Variants in NCOA2 observed in about 807,000 individuals in gnomAD.
The protein encoded by NCOA2 is class E basic helix-loop-helix protein 75.
NCOA2 carries 21 observed loss-of-function variants against 145.1 expected under a neutral mutation model. The ratio of observed to expected loss-of-function variants is 0.14; its 90% CI spans 0.10 to 0.21. The LOEUF (loss-of-function observed/expected upper bound fraction) is 0.21. Ranked by LOEUF, NCOA2 falls within the 10% of genes least tolerant of loss-of-function variation. NCOA2 has a pLI of 1.00. For missense variants in NCOA2, 1,472 were observed against 1,837.6 expected (o/e 0.80, Z 3.64); for synonymous variants, 619 against 637.5 (o/e 0.97, Z 0.44).
intron 2 of NCOA2, among the ~76,000 whole-genome samples, chr8:70,275,852 T>G (rs1278829864): frequency 6.6e-6 from 1 of 152,226 alleles, no homozygotes; most frequent in African/African-American, 2.4e-5. Context: ...GATATATAGA[T>G]AGACGATGGT....
At chr8:70,208,622 T>G (rs1818711738) in intron 4 of NCOA2, among the ~76,000 whole-genome samples, 1 of 152,232 alleles carries the variant, frequency 6.6e-6, no homozygotes, top group African/African-American at 2.4e-5. Context: ...AGCTGGTGAC[T>G]TGAAGTAAAT....
intron 1 of NCOA2, among the ~76,000 whole-genome samples, chr8:70,314,902 A>C (rs1242353370): frequency 6.6e-6 from 1 of 152,218 alleles, no homozygotes; most frequent in African/African-American, 2.4e-5. Context: ...TTTATCTAGC[A>C]GGAAGGCAGA....
chr8:70,270,837 G>A (rs1401130396), intron 2 of NCOA2, among the ~76,000 whole-genome samples: 3 of 152,050 alleles, frequency 2.0e-5, no homozygotes, highest in Non-Finnish European at 4.4e-5. Context: ...CATTAATATT[G>A]TCTGTTGAAA....
At chr8:70,362,914 CA>C (rs902860166) in intron 1 of NCOA2, among the ~76,000 whole-genome samples, 1 of 151,012 alleles carries the variant, frequency 6.6e-6, no homozygotes, top group Non-Finnish European at 1.5e-5. Flanking sequence ...CCCGTCTCTA[CA>C]AAAAACACAA....
rs1807946762 is a variant in NCOA2, at chr8:70,339,696, G to C, written c.-76-42896C>G. Among the ~76,000 whole-genome samples, 3 of 152,148 alleles carry C rather than the reference G, an allele frequency of 2.0e-5. No homozygotes were observed. The South Asian group carries it at 6.2e-4, about 31-fold the overall frequency. On this transcript the variant is annotated intron_variant, in intron 1 of 22. Coordinates refer to ENST00000452400, the MANE Select transcript of NCOA2 (RefSeq NM_006540.4). ...ACCCGACTTCAAGCTATACTACAAG[G>C]CTACAGTAACCAAAACAGCATGGTA...
At chr8:70,157,607 G>A (rs1812432997) in intron 10 of NCOA2, among the ~76,000 whole-genome samples, 1 of 152,172 alleles carries the variant, frequency 6.6e-6, no homozygotes, top group African/African-American at 2.4e-5. Context: ...GAAATGAGTA[G>A]AGCTGTCTTC....
At chr8:70,245,544 TCA>T (rs947248566) in intron 2 of NCOA2, among the ~76,000 whole-genome samples, 2 of 151,986 alleles carry the variant, frequency 1.3e-5, no homozygotes, top group African/African-American at 2.4e-5. Flanking sequence ...TCCTTCTCTC[TCA>T]CACACAGTCT....
At chr8:70,285,252 A>AC (rs1450613419) in intron 2 of NCOA2, among the ~76,000 whole-genome samples, 1 of 152,244 alleles carries the variant, frequency 6.6e-6, no homozygotes, top group African/African-American at 2.4e-5. Flanking sequence ...GAATTTACTT[A>AC]GAGTCCTGTA....
intron 1 of NCOA2, among the ~76,000 whole-genome samples, chr8:70,366,637 A>C (rs1301470569): frequency 6.6e-6 from 1 of 151,876 alleles, no homozygotes; most frequent in Admixed American, 6.6e-5. Context: ...TTCCCTAAGA[A>C]TCTGATTGAG....
intron 2 of NCOA2, among the ~76,000 whole-genome samples, chr8:70,244,643 A>C (rs1287762972): frequency 6.6e-6 from 1 of 152,162 alleles, no homozygotes; most frequent in Non-Finnish European, 1.5e-5. Context: ...AAAGGTAGAA[A>C]GATAAAGCTT....
chr8:70,445,107 C>A, the NCOA2 span, among the ~76,000 whole-genome samples: 1 of 152,270 alleles, frequency 6.6e-6, no homozygotes, highest in African/African-American at 2.4e-5. Context: ...TTTTACCACA[C>A]TTTTTTTCTT....
chr8:70,390,241 G>C (rs1054042678), intron 1 of NCOA2, among the ~76,000 whole-genome samples: 17 of 152,202 alleles, frequency 1.1e-4, no homozygotes, highest in Admixed American at 1.1e-3. Flanking sequence ...ATTCAGAAAA[G>C]TGCAGGGCCT....
the NCOA2 span, among the ~76,000 whole-genome samples, chr8:70,435,147 C>T: frequency 2.6e-5 from 4 of 152,014 alleles, no homozygotes; most frequent in African/African-American, 4.8e-5. Flanking sequence ...CACACTCGGC[C>T]GGGCGCGGTG....
At chr8:70,113,950 A>G (rs73285363) in intron 22 of NCOA2, among the ~76,000 whole-genome samples, 5,379 of 152,242 alleles carry the variant, frequency 0.035, 346 homozygotes, top group African/African-American at 0.12. Flanking sequence ...ACAACATCCT[A>G]GCTCAATTTC....
intron 2 of NCOA2, among the ~76,000 whole-genome samples, chr8:70,233,356 C>T (rs1039042621): frequency 6.6e-6 from 1 of 152,122 alleles, no homozygotes; most frequent in African/African-American, 2.4e-5. Context: ...CTAAATGAAA[C>T]AAATGATTAT....
intron 2 of NCOA2, among the ~76,000 whole-genome samples, chr8:70,282,951 T>G (rs1825991383): frequency 6.6e-6 from 1 of 152,132 alleles, no homozygotes; most frequent in Non-Finnish European, 1.5e-5. Flanking sequence ...TATGAATGAG[T>G]GTGTCTGTTC....
the NCOA2 span, among the ~76,000 whole-genome samples, chr8:70,432,560 G>A: frequency 6.6e-6 from 1 of 152,202 alleles, no homozygotes; most frequent in African/African-American, 2.4e-5. Flanking sequence ...CTACTCGAAA[G>A]GCCGAGGCAG....
intron 5 of NCOA2, among the ~76,000 whole-genome samples, chr8:70,172,707 A>G (rs1166865849): frequency 1.3e-5 from 2 of 152,230 alleles, no homozygotes; most frequent in African/African-American, 4.8e-5. Flanking sequence ...TGCTTTGGAT[A>G]CACCCTTTGA....
intron 2 of NCOA2, among the ~76,000 whole-genome samples, chr8:70,282,298 C>G (rs1316626001): frequency 6.6e-6 from 1 of 152,094 alleles, no homozygotes; most frequent in East Asian, 1.9e-4. Context: ...ATATCAAGGA[C>G]TACAAAAACA....
Sources: allele counts gnomAD v4.1 joint callset (sites outside exome capture counted in the v4.1 genomes callset), GRCh38; gene constraint gnomAD v4.1.1; transcripts MANE v1.5; gene names NCBI Gene and HGNC (gene_info 2026-07-23, HGNC 2026-07-21).